The following COL14A1 variants were observed in gnomAD, a reference collection of about 807,000 sequenced individuals.
The protein encoded by COL14A1 is collagen alpha-1(XIV) chain.
A neutral mutation model predicts 230.3 loss-of-function variants in COL14A1; 136 were observed. That is an observed-to-expected ratio of 0.59 (90% confidence interval 0.51 to 0.68). The LOEUF (loss-of-function observed/expected upper bound fraction) is 0.68, where lower values mean the gene tolerates loss of function less well. COL14A1 is among the 30% of genes least tolerant of loss of function. The pLI, the probability that COL14A1 is intolerant of heterozygous loss-of-function variation, is 0.00. For synonymous variants in COL14A1, 792 were observed against 784.1 expected, an observed-to-expected ratio of 1.01 and a Z score of -0.17; for missense variants, 1,976 against 2,215.8, an observed-to-expected ratio of 0.89 and a Z score of 2.17.
chr8:120,181,096 G>A (rs1189504496), intron 5 of COL14A1, among the ~76,000 whole-genome samples: 1 of 152,136 alleles, frequency 6.6e-6, no homozygotes, highest in East Asian at 1.9e-4. Flanking sequence ...TGATCCAATT[G>A]CGGTGAACAA....
chr8:120,185,159 G>A (rs1055518398), intron 5 of COL14A1, among the ~76,000 whole-genome samples: 7 of 152,154 alleles, frequency 4.6e-5, no homozygotes, highest in African/African-American at 1.4e-4. Flanking sequence ...TGGATTAAAT[G>A]GGTATTAACC....
intron 40 of COL14A1, among the ~76,000 whole-genome samples, chr8:120,316,394 A>T (rs992457878): frequency 6.6e-6 from 1 of 152,214 alleles, no homozygotes; most frequent in Non-Finnish European, 1.5e-5. Context: ...CTTACATGGC[A>T]ATCTCCATTT....
chr8:120,267,188 G>A (rs984025409), intron 25 of COL14A1, among the ~76,000 whole-genome samples: 2 of 151,874 alleles, frequency 1.3e-5, no homozygotes, highest in African/African-American at 4.8e-5. Context: ...CCAGTTTGTA[G>A]TTCCTCAGAT....
At chr8:120,357,363 A>G (rs746816731) in intron 45 of COL14A1, among the ~76,000 whole-genome samples, 34 of 152,154 alleles carry the variant, frequency 2.2e-4, no homozygotes, top group Non-Finnish European at 3.7e-4. Context: ...TTCGTGGGGC[A>G]TGGTTGAGAA....
chr8:120,340,745 T>G (rs1023770063), intron 42 of COL14A1, among the ~76,000 whole-genome samples: 7 of 152,172 alleles, frequency 4.6e-5, no homozygotes, highest in Non-Finnish European at 1.0e-4. Context: ...ATAAATCAAT[T>G]GAGAAGTCAC....
chr8:120,197,971 T>G, intron 7 of COL14A1, 41 bp downstream of exon 7: 2 of 1,596,344 alleles, frequency 1.3e-6, no homozygotes, highest in Non-Finnish European at 1.7e-6. Context: ...CATATCTTTT[T>G]GAAGAATAAT....
chr8:120,189,640 C>A (rs899783748), intron 5 of COL14A1, among the ~76,000 whole-genome samples: 2 of 128,094 alleles, frequency 1.6e-5, no homozygotes, highest in Admixed American at 8.2e-5. Context: ...CCCCCTCCCC[C>A]GACCCCACAA....
chr8:120,263,541 A>G (rs574824286), intron 24 of COL14A1, among the ~76,000 whole-genome samples: 4 of 152,342 alleles, frequency 2.6e-5, no homozygotes, highest in Admixed American at 2.6e-4. Flanking sequence ...AGCTCTTTTT[A>G]CATGTTCCAA....
chr8:120,348,097 A>G (rs1336167944), intron 45 of COL14A1, among the ~76,000 whole-genome samples: 29 of 151,770 alleles, frequency 1.9e-4, no homozygotes, highest in Admixed American at 1.9e-3. Flanking sequence ...ATAGCAGCAC[A>G]ATTCGCAAGT....
intron 34 of COL14A1, among the ~76,000 whole-genome samples, chr8:120,291,186 T>C (rs187271401): frequency 1.4e-3 from 210 of 152,274 alleles, no homozygotes; most frequent in African/African-American, 4.5e-3. Flanking sequence ...AACACAGAAT[T>C]ATCAAACTAA....
At chr8:120,271,992 G>A (rs1220858188) in intron 26 of COL14A1, among the ~76,000 whole-genome samples, 1 of 151,694 alleles carries the variant, frequency 6.6e-6, no homozygotes, top group East Asian at 2.0e-4. Flanking sequence ...CTGGACTAGG[G>A]TGGTAGCAAT....
chr8:120,246,211 C>A (rs1418507480), intron 20 of COL14A1, among the ~76,000 whole-genome samples: 1 of 152,178 alleles, frequency 6.6e-6, no homozygotes, highest in Admixed American at 6.5e-5. Flanking sequence ...GTGCTGGCAT[C>A]TCTCCCTCCT....
At position 120,207,008 on chromosome 8, in the gene COL14A1, T is replaced by G; in HGVS notation, c.1105T>G (p.Phe369Val). The G allele has an allele frequency of 6.2e-7, 1 of 1,613,882 alleles. No individual in the cohort carries two copies. Among genetic ancestry groups the G allele is most frequent in the East Asian group, 2.2e-5 (1 of 44,866 alleles). ...LITSEVTARSFMVNWTHAPGN... is the reference protein window; with the variant it reads ...LITSEVTARSVMVNWTHAPGN... ...TACTTCTGAAGTCACTGCCAGAAGC[T>G]TTATGGTTAACTGGACTCATGCCCC... The change falls in exon 10 of 48, where the codon TTT becomes GTT. Residue 369 changes from phenylalanine (F) to valine (V), a missense_variant. Physicochemically the swap from Phe to Val is conservative, Grantham distance 50. This residue lies in a region of COL14A1 where 1,791 missense variants were observed against 2,019.5 expected (regional missense o/e 0.89). Coordinates refer to ENST00000297848, the MANE Select transcript of COL14A1 (RefSeq NM_021110.4).
intron 40 of COL14A1, among the ~76,000 whole-genome samples, chr8:120,327,266 C>T (rs1233871626): frequency 6.6e-6 from 1 of 152,168 alleles, no homozygotes; most frequent in Non-Finnish European, 1.5e-5. Context: ...TAATTGTCCC[C>T]TTCTCCAGAT....
intron 22 of COL14A1, among the ~76,000 whole-genome samples, chr8:120,253,522 C>T (rs1819042910): frequency 6.6e-6 from 1 of 152,132 alleles, no homozygotes; most frequent in Admixed American, 6.5e-5. Context: ...TTTATTCTCT[C>T]TATTTCTCCC....
chr8:120,297,742 G>T (rs944121258), intron 35 of COL14A1, among the ~76,000 whole-genome samples, 154 bp downstream of exon 35: 1 of 151,982 alleles, frequency 6.6e-6, no homozygotes, highest in South Asian at 2.1e-4. Flanking sequence ...AAATTAACAA[G>T]ATTTCTCCTG....
At chr8:120,275,204 A>G (rs1324690400) in intron 26 of COL14A1, among the ~76,000 whole-genome samples, 6 of 151,834 alleles carry the variant, frequency 4.0e-5, no homozygotes, top group Admixed American at 2.0e-4. Context: ...CATACAACCA[A>G]CTGATCTTGG....
intron 1 of COL14A1, among the ~76,000 whole-genome samples, chr8:120,132,965 CCCAGCACT>C (rs1814583154): frequency 6.6e-6 from 1 of 152,096 alleles, no homozygotes; most frequent in African/African-American, 2.4e-5. Context: ...CGCCTGTAAT[CCCAGCACT>C]TTGGGAGGCC....
At chr8:120,230,500 G>A (rs534966146) in intron 18 of COL14A1, among the ~76,000 whole-genome samples, 2 of 151,564 alleles carry the variant, frequency 1.3e-5, no homozygotes, top group South Asian at 4.2e-4. Context: ...TTCCTAGTTG[G>A]GTCCTGCTTC....
Sources: gnomAD v4.1 joint callset for allele counts (sites outside exome capture counted in the v4.1 genomes callset) on GRCh38, gnomAD v4.1.1 for gene constraint, gnomAD v4.1.1 regional missense constraint, MANE v1.5 for transcripts, NCBI Gene and HGNC (gene_info 2026-07-23, HGNC 2026-07-21) for gene names.